AP3B1: variants seen among roughly 807,000 people sequenced by gnomAD.
AP3B1 encodes AP-3 complex subunit beta-1.
In AP3B1, 61 loss-of-function variants were observed where a neutral mutation model predicts 132.5. That is an observed-to-expected ratio of 0.46 (90% CI 0.37 to 0.57). The LOEUF is 0.57. Among genes scored for constraint, AP3B1 ranks in the 20% least tolerant of loss-of-function variants. AP3B1 has a pLI of 0.00. For synonymous variants in AP3B1, 388 were observed against 438.3 expected (o/e 0.89, Z 1.43); for missense variants, 1,120 against 1,289.4 (o/e 0.87, Z 2.01).
At chr5:78,226,962 G>A (rs1159015935) in intron 5 of AP3B1, among the ~76,000 whole-genome samples, 2 of 151,976 alleles carry the variant, frequency 1.3e-5, no homozygotes, top group East Asian at 3.9e-4. Flanking sequence ...AACAAAGATG[G>A]AAGAAAGGAA....
rs763809013 is a variant in AP3B1 at position 78,128,107 on chromosome 5, T to C, written c.1891A>G (p.Thr631Ala). The C allele has an allele frequency of 1.9e-6, 3 of 1,612,896 alleles. No individual in the cohort carries two copies. Among genetic ancestry groups the C allele is most frequent in the Admixed American group, 1.7e-5 (1 of 59,948 alleles). The change falls in exon 17 of 27, where the codon ACT becomes GCT. Residue 631 changes from threonine to alanine, a missense_variant. Around this residue, in one of 3 missense-constraint regions of AP3B1, gnomAD observed 906 missense variants for 997.1 expected, o/e 0.91. Coordinates refer to ENST00000255194, the MANE Select transcript of AP3B1 (RefSeq NM_003664.5). ...CAATTAGATAATTCCAGGTACCCAG[T>C]AGCTTTAATGTTGAGAGTATGAGAT... ...TLSHTLNIKATGYLELSNWPE... is the reference protein window; with the variant it reads ...TLSHTLNIKAAGYLELSNWPE...
intron 22 of AP3B1, among the ~76,000 whole-genome samples, chr5:78,086,402 A>T (rs1293023746): frequency 1.3e-5 from 2 of 152,212 alleles, no homozygotes; most frequent in Admixed American, 1.3e-4. Context: ...TTTAATACCA[A>T]CAACAATCCT....
At chr5:78,239,595 G>A (rs963209279) in intron 3 of AP3B1, among the ~76,000 whole-genome samples, 29 of 148,900 alleles carry the variant, frequency 1.9e-4, no homozygotes, top group Non-Finnish European at 3.0e-4. Flanking sequence ...GCCACATGGC[G>A]AAACCCTGTC....
intron 11 of AP3B1, among the ~76,000 whole-genome samples, chr5:78,175,023 G>A (rs1451616290): frequency 1.3e-5 from 2 of 152,270 alleles, no homozygotes; most frequent in Non-Finnish European, 2.9e-5. Context: ...TGGACCTGCT[G>A]AGCCAGGCAT....
intron 7 of AP3B1, among the ~76,000 whole-genome samples, chr5:78,210,045 T>C (rs1312235039): frequency 2.0e-5 from 3 of 152,200 alleles, no homozygotes; most frequent in Non-Finnish European, 4.4e-5. Context: ...TTAAATTATA[T>C]GTTGAACCCT....
intron 14 of AP3B1, among the ~76,000 whole-genome samples, chr5:78,147,532 A>C (rs892561457): frequency 2.6e-5 from 4 of 151,780 alleles, no homozygotes; most frequent in South Asian, 2.1e-4. Context: ...TTTATTTTAC[A>C]TTTGTTTTCT....
At chr5:78,096,716 G>T in intron 21 of AP3B1, among the ~76,000 whole-genome samples, 1 of 151,236 alleles carries the variant, frequency 6.6e-6, no homozygotes, top group Non-Finnish European at 1.5e-5. Flanking sequence ...TCTGAGAAGG[G>T]AGGAGACCCT....
chr5:78,259,755 G>A (rs947719325), intron 2 of AP3B1, among the ~76,000 whole-genome samples: 17 of 152,068 alleles, frequency 1.1e-4, no homozygotes, highest in African/African-American at 3.1e-4. Flanking sequence ...ATTACTTGAC[G>A]GTAGGAGTTG....
intron 11 of AP3B1, among the ~76,000 whole-genome samples, chr5:78,174,017 C>T (rs1744037503): frequency 1.3e-5 from 2 of 152,266 alleles, no homozygotes; most frequent in Admixed American, 1.3e-4. Flanking sequence ...TCTCGTGCCA[C>T]AGTTTTCAGT....
chr5:78,222,928 G>A (rs1276190322), intron 6 of AP3B1, among the ~76,000 whole-genome samples: 1 of 151,892 alleles, frequency 6.6e-6, no homozygotes, highest in East Asian at 1.9e-4. Flanking sequence ...TAGCAATTCT[G>A]AAGCAATAGT....
chr5:78,114,028 T>C, intron 18 of AP3B1, 105 bp from the exon 19 acceptor site: 1 of 1,288,974 alleles, frequency 7.8e-7, no homozygotes, highest in Non-Finnish European at 1.1e-6. Flanking sequence ...ATGTTGAATT[T>C]TAGTTCAGTG....
intron 22 of AP3B1, among the ~76,000 whole-genome samples, chr5:78,071,139 C>A (rs1561386970): frequency 1.3e-5 from 2 of 152,130 alleles, no homozygotes; most frequent in African/African-American, 2.4e-5. Context: ...TTCACAACAA[C>A]AAAGACATGG....
chr5:78,039,295 A>G (rs749613820), intron 22 of AP3B1, 21 bp from the exon 23 acceptor site: 1 of 1,555,806 alleles, frequency 6.4e-7, no homozygotes, highest in African/African-American at 1.4e-5. Context: ...CGGCAAAAAG[A>G]AAAAAAGATG....
downstream of AP3B1, chr5:78,000,885 G>C (rs573278343): frequency 3.9e-5 from 6 of 152,200 alleles, no homozygotes; most frequent in Non-Finnish European, 8.8e-5. Flanking sequence ...TTGGGGCTTT[G>C]GTCGTTTTTC....
At chr5:78,174,034 A>C (rs1744038156) in intron 11 of AP3B1, among the ~76,000 whole-genome samples, 1 of 152,178 alleles carries the variant, frequency 6.6e-6, no homozygotes, top group East Asian at 1.9e-4. Context: ...CAGTTCCAAC[A>C]GGTCATTTAA....
At chr5:78,128,633 T>C (rs894274980) in intron 16 of AP3B1, among the ~76,000 whole-genome samples, 8 of 152,146 alleles carry the variant, frequency 5.3e-5, no homozygotes, top group African/African-American at 2.4e-5. Context: ...GTAAAATACT[T>C]AATTACTCCT....
At chr5:78,147,117 T>A (rs1413445372) in intron 14 of AP3B1, among the ~76,000 whole-genome samples, 1 of 152,146 alleles carries the variant, frequency 6.6e-6, no homozygotes, top group African/African-American at 2.4e-5. Context: ...TCACACATTG[T>A]AACTATTTTA....
intron 15 of AP3B1, among the ~76,000 whole-genome samples, chr5:78,135,152 C>G (rs1311535343): frequency 2.0e-5 from 3 of 152,038 alleles, no homozygotes; most frequent in African/African-American, 7.2e-5. Flanking sequence ...GGAGGAATCC[C>G]TAAAACATCA....
intron 21 of AP3B1, among the ~76,000 whole-genome samples, chr5:78,097,054 G>C (rs1168804906): frequency 7.6e-6 from 1 of 131,198 alleles, no homozygotes; most frequent in Non-Finnish European, 1.6e-5. Context: ...CCGTCCGGGA[G>C]GGAGGTTGGG....
Sources: allele counts gnomAD v4.1 joint callset (sites outside exome capture counted in the v4.1 genomes callset), GRCh38; gene constraint gnomAD v4.1.1; regional missense constraint gnomAD v4.1.1; transcripts MANE v1.5; gene names NCBI Gene and HGNC (gene_info 2026-07-23, HGNC 2026-07-21).